PDE2A: variants seen among roughly 807,000 people sequenced by gnomAD.
PDE2A encodes the protein cGMP-dependent 3',5'-cyclic phosphodiesterase.
A neutral mutation model predicts 133.6 loss-of-function variants in PDE2A; 53 were observed. The observed-to-expected ratio is 0.40, with a 90% CI of 0.32 to 0.50. The LOEUF (loss-of-function observed/expected upper bound fraction) is 0.50, where lower values mean the gene tolerates loss of function less well. PDE2A is among the 20% of genes least tolerant of loss of function. The pLI is 0.73. For synonymous variants in PDE2A, 491 were observed against 490.2 expected (o/e 1.00, Z -0.02); for missense variants, 796 against 1,232.4 (o/e 0.65, Z 5.30).
chr11:72,584,076 G>A (rs2135283526), intron 19 of PDE2A, 125 bp downstream of exon 19: 2 of 627,782 alleles, frequency 3.2e-6, no homozygotes, highest in South Asian at 1.9e-5. Context: ...CCCCAGCGGC[G>A]GGACTCTGAG....
chr11:72,612,834 C>T (rs1304747366), intron 2 of PDE2A, among the ~76,000 whole-genome samples: 1 of 152,154 alleles, frequency 6.6e-6, no homozygotes, highest in Non-Finnish European at 1.5e-5. Context: ...GCACCATTAC[C>T]ACGGACTTAG....
intron 2 of PDE2A, among the ~76,000 whole-genome samples, chr11:72,617,552 G>A (rs886840281): frequency 1.3e-5 from 2 of 152,212 alleles, no homozygotes; most frequent in Admixed American, 6.5e-5. Context: ...TTTGTCCTAT[G>A]ACTGTATTTG....
chr11:72,636,944 A>T (rs61895574), intron 2 of PDE2A, among the ~76,000 whole-genome samples: 17,563 of 152,218 alleles, frequency 0.12, 1,358 homozygotes, highest in South Asian at 0.22. Context: ...GTCCTGCACC[A>T]TCTGGCTGGG....
intron 1 of PDE2A, chr11:72,657,799 A>C (rs1255180998): frequency 2.2e-6 from 1 of 454,248 alleles, no homozygotes; most frequent in Non-Finnish European, 4.4e-6. Flanking sequence ...CAGCCTCCCA[A>C]CACCCTGGTA....
At chr11:72,621,048 G>C (rs186229590) in intron 2 of PDE2A, among the ~76,000 whole-genome samples, 31 of 152,250 alleles carry the variant, frequency 2.0e-4, no homozygotes, top group African/African-American at 7.2e-4. Context: ...TTGGAGCACT[G>C]CTTCATGCAA....
intron 1 of PDE2A, among the ~76,000 whole-genome samples, chr11:72,666,172 G>A (rs1323151068): frequency 6.6e-6 from 1 of 152,060 alleles, no homozygotes; most frequent in Non-Finnish European, 1.5e-5. Context: ...CCACAGACTT[G>A]GCTCTCCTCT....
chr11:72,598,395 G>T, intron 4 of PDE2A: 1 of 692,832 alleles, frequency 1.4e-6, no homozygotes, highest in Non-Finnish European at 2.2e-6. Context: ...CAGAGGGGTG[G>T]TGGGAACCAA....
At position 72,589,990 on chromosome 11, in the gene PDE2A, G is replaced by C; in HGVS notation, c.757-9C>G. The C allele has an allele frequency of 1.2e-6, 2 of 1,608,502 alleles. No individual in the cohort carries two copies. Among genetic ancestry groups the C allele is most frequent in the Non-Finnish European group, 1.7e-6 (2 of 1,177,578 alleles). ...CGGGTCTCCTGCTGCAGCTGAGAGA[G>C]GGACAGGCAGGGCGAGGGGGTGACC... On this transcript the variant is annotated splice_polypyrimidine_tract_variant and intron_variant, in intron 9 of 30. Coordinates refer to ENST00000334456, the MANE Select transcript of PDE2A (RefSeq NM_002599.5).
In PDE2A at chr11:72,674,255, C is replaced by CAGA; in HGVS notation, c.-49_-48insTCT. 6.4e-7 allele frequency: 1 copy of CAGA among 1,570,470 alleles called. No individual in the cohort carries two copies. The highest frequency in any genetic ancestry group is 2.3e-5 in the East Asian group (1 of 43,196). ...CAGCCAGACTAAGGTGGCACCTCGCCCTGTCCCCGCTGCCTGGAGTTCAGG... is the reference window on the plus strand; with the variant it reads ...CAGCCAGACTAAGGTGGCACCTCGCCAGACTGTCCCCGCTGCCTGGAGTTCAGG... On this transcript the variant is annotated 5_prime_UTR_variant, in exon 1 of 31. Transcript: ENST00000334456.
chr11:72,582,915 T>A (rs1855787572), intron 20 of PDE2A, among the ~76,000 whole-genome samples: 1 of 152,192 alleles, frequency 6.6e-6, no homozygotes. Context: ...CCTTAACTCT[T>A]CCTACTACAG....
chr11:72,595,994 C>T (rs932773544), intron 6 of PDE2A, among the ~76,000 whole-genome samples: 2 of 152,146 alleles, frequency 1.3e-5, no homozygotes, highest in East Asian at 3.9e-4. Flanking sequence ...CCAGAAAGCC[C>T]CCCTAGCTGC....
At chr11:72,619,385 C>T (rs1039629920) in intron 2 of PDE2A, among the ~76,000 whole-genome samples, 1 of 152,160 alleles carries the variant, frequency 6.6e-6, no homozygotes, top group South Asian at 2.1e-4. Context: ...TCCATAGTGG[C>T]GAGCCCCTAC....
At chr11:72,585,281 A>C (rs1229074334) in intron 16 of PDE2A, 90 bp downstream of exon 16, 2 of 1,078,094 alleles carry the variant, frequency 1.9e-6, no homozygotes, top group African/African-American at 1.6e-5. Flanking sequence ...CAGAAGGCAG[A>C]GAAAGGGAAG....
At chr11:72,587,338 T>C (rs1856022044) in intron 13 of PDE2A, among the ~76,000 whole-genome samples, 2 of 152,212 alleles carry the variant, frequency 1.3e-5, no homozygotes, top group South Asian at 2.1e-4. Flanking sequence ...GTTCTCTGGC[T>C]ACTTAGCTGT....
At chr11:72,585,501 AATGC>A in intron 15 of PDE2A, 49 bp downstream of exon 15, 1 of 1,612,366 alleles carries the variant, frequency 6.2e-7, no homozygotes, top group South Asian at 1.1e-5. Flanking sequence ...CTCCTCTGCA[AATGC>A]CAGCCCCCAT....
In PDE2A at chr11:72,597,580, C is replaced by T. The variant is rs1856545460; in HGVS notation, c.363G>A (p.Gly121=). 2 of 1,612,706 alleles carry T rather than the reference C, an allele frequency of 1.2e-6. No homozygotes were observed. The highest frequency in any genetic ancestry group is 1.7e-6 in the Non-Finnish European group (2 of 1,179,824). Residue 121 remains glycine (G), a synonymous_variant, in exon 5 of 31, where the codon GGG becomes GGA. Coordinates refer to ENST00000334456, the MANE Select transcript of PDE2A (RefSeq NM_002599.5). This position sits in a 1 kb window ranked among gnomAD's most constrained non-coding sequence, Gnocchi z 4.6. The stretch of plus-strand genomic sequence containing the variant: ...TCCCTGGCAGGTCTGAGAAGCCCAG[C>T]CCATTGCAGCCCAGCCGCTTCTGGG... ...IISQKRLGCN[G]LGFSDLPGKP...
At chr11:72,646,386 G>A (rs2053892327) in intron 1 of PDE2A, among the ~76,000 whole-genome samples, 1 of 152,216 alleles carries the variant, frequency 6.6e-6, no homozygotes, top group Admixed American at 6.5e-5. Flanking sequence ...AGGAGGCACG[G>A]CATTAGCCCC....
rs1856548433 is a variant in PDE2A at position 72,597,636 on chromosome 11, A to T, written c.324-17T>A. ...ATAGCCTCCCTGAAAAGAGGACATG[A>T]TGCCACCTTGAGAGCCCCCGACTCA... On this transcript the variant is annotated splice_polypyrimidine_tract_variant and intron_variant, in intron 4 of 30. Coordinates refer to ENST00000334456, the MANE Select transcript of PDE2A (RefSeq NM_002599.5). This position sits in a 1 kb window ranked among gnomAD's most constrained non-coding sequence, Gnocchi z 4.6. 6.4e-7 allele frequency: 1 copy of T among 1,562,746 alleles called. No individual in the cohort carries two copies. Among genetic ancestry groups the T allele is most frequent in the Admixed American group, 1.7e-5 (1 of 59,540 alleles).
At chr11:72,592,651 C>G (rs1040488633) in intron 6 of PDE2A, among the ~76,000 whole-genome samples, 1 of 152,060 alleles carries the variant, frequency 6.6e-6, no homozygotes, top group African/African-American at 2.4e-5. Flanking sequence ...GTCCATGGTA[C>G]CACAGAAGGA....
Sources: allele counts gnomAD v4.1 joint callset (sites outside exome capture counted in the v4.1 genomes callset), GRCh38; gene constraint gnomAD v4.1.1; non-coding constraint Gnocchi (gnomAD v3.1); transcripts MANE v1.5; gene names NCBI Gene and HGNC (gene_info 2026-07-23, HGNC 2026-07-21).